The following DCC variants were observed in gnomAD, a reference collection of about 807,000 sequenced individuals.
DCC encodes the protein netrin receptor DCC.
DCC carries 58 observed loss-of-function variants against 172.5 expected under a neutral mutation model. That is an observed-to-expected ratio of 0.34 (90% CI 0.27 to 0.42). DCC has a LOEUF of 0.42. Among genes scored for constraint, DCC ranks in the 10% least tolerant of loss-of-function variants. DCC has a pLI of 1.00. For synonymous variants in DCC, 709 were observed against 644.5 expected (o/e 1.10, Z -1.52); for missense variants, 1,740 against 1,791.0 (o/e 0.97, Z 0.51).
rs34488915 is a variant in DCC, at chr18:53,390,081, A to G, written c.2456-1574A>G. On this transcript the variant is annotated intron_variant, in intron 16 of 28. Coordinates refer to ENST00000442544, the MANE Select transcript of DCC (RefSeq NM_005215.4). Reference sequence around the variant, plus strand: ...CAAAAATGTCTTCCACTGCTACACAAACCGATGAATGATTGGAATCCTTGT... The same window carrying G: ...CAAAAATGTCTTCCACTGCTACACAGACCGATGAATGATTGGAATCCTTGT... Among the ~76,000 whole-genome samples, 193 of 152,296 alleles carry G rather than the reference A, an allele frequency of 1.3e-3. 1 individual carries two copies. The highest frequency in any genetic ancestry group is 0.011 in the South Asian group (55 of 4,828).
intron 12 of DCC, among the ~76,000 whole-genome samples, chr18:53,246,640 A>G (rs2056368594): frequency 1.3e-5 from 2 of 152,254 alleles, no homozygotes; most frequent in Admixed American, 1.3e-4. Flanking sequence ...TTTATGCAGA[A>G]CTGCTATGAG....
At chr18:53,210,506 A>G (rs1568367295) in intron 11 of DCC, among the ~76,000 whole-genome samples, 1 of 152,162 alleles carries the variant, frequency 6.6e-6, no homozygotes, top group African/African-American at 2.4e-5. Flanking sequence ...ATGCTGTTAT[A>G]TTCACCTCTG....
At chr18:53,107,993 G>A (rs969494755) in intron 7 of DCC, among the ~76,000 whole-genome samples, 4 of 151,310 alleles carry the variant, frequency 2.6e-5, no homozygotes, top group Non-Finnish European at 5.9e-5. Context: ...GATAATCACT[G>A]GAAGAGCAAT....
intron 25 of DCC, among the ~76,000 whole-genome samples, chr18:53,482,527 TTCTC>T (rs1311389360): frequency 6.6e-6 from 1 of 152,134 alleles, no homozygotes; most frequent in East Asian, 1.9e-4. Flanking sequence ...TGTTTTATGT[TTCTC>T]TCTCCAAATT....
At chr18:52,493,634 A>G (rs1251637290) in intron 1 of DCC, among the ~76,000 whole-genome samples, 1 of 151,936 alleles carries the variant, frequency 6.6e-6, no homozygotes, top group African/African-American at 2.4e-5. Context: ...CAGTGCTCCC[A>G]TTTCATTTCA....
At chr18:52,863,447 G>C (rs944455145) in intron 2 of DCC, among the ~76,000 whole-genome samples, 2 of 151,626 alleles carry the variant, frequency 1.3e-5, no homozygotes. Context: ...TTTCTATATG[G>C]AACAGGACAT....
At chr18:53,040,823 G>A (rs1409976113) in intron 5 of DCC, among the ~76,000 whole-genome samples, 3 of 151,830 alleles carry the variant, frequency 2.0e-5, no homozygotes, top group African/African-American at 7.3e-5. Flanking sequence ...AACCCACCAG[G>A]GAGCTGCAAA....
intron 2 of DCC, among the ~76,000 whole-genome samples, chr18:52,888,609 C>CA (rs2039602802): frequency 6.6e-6 from 1 of 151,864 alleles, no homozygotes; most frequent in Non-Finnish European, 1.5e-5. Context: ...TCTATAAAGG[C>CA]AAAATACATA....
chr18:53,334,584 C>G (rs148927394), intron 14 of DCC, among the ~76,000 whole-genome samples: 9 of 152,130 alleles, frequency 5.9e-5, no homozygotes, highest in African/African-American at 2.2e-4. Flanking sequence ...TAACTGCCAA[C>G]CTCCCCAACC....
chr18:52,973,729 G>A (rs544679822), intron 5 of DCC, among the ~76,000 whole-genome samples: 10 of 152,182 alleles, frequency 6.6e-5, no homozygotes, highest in Non-Finnish European at 1.0e-4. Context: ...TTCCCAAGAG[G>A]CCTAGAGTAT....
At chr18:52,415,161 T>TCA (rs1568159375) in intron 1 of DCC, among the ~76,000 whole-genome samples, 1 of 152,212 alleles carries the variant, frequency 6.6e-6, no homozygotes, top group Non-Finnish European at 1.5e-5. Context: ...TCAGGTTGTT[T>TCA]ACCATTTCTG....
At chr18:52,386,392 C>A (rs1985800371) in intron 1 of DCC, among the ~76,000 whole-genome samples, 1 of 152,098 alleles carries the variant, frequency 6.6e-6, no homozygotes, top group Admixed American at 6.6e-5. Context: ...GATGAAATGT[C>A]ATTAGGGGAT....
chr18:52,367,817 T>C (rs375604723), intron 1 of DCC, among the ~76,000 whole-genome samples: 3 of 152,224 alleles, frequency 2.0e-5, no homozygotes, highest in East Asian at 3.8e-4. Flanking sequence ...TGGCTGTACA[T>C]AGGCAAGTCT....
intron 26 of DCC, among the ~76,000 whole-genome samples, chr18:53,489,892 T>C (rs1471729026): frequency 6.6e-6 from 1 of 151,970 alleles, no homozygotes; most frequent in Non-Finnish European, 1.5e-5. Context: ...AGCAAATGAG[T>C]TATCCCTAGG....
chr18:53,482,226 A>T (rs910334554), intron 25 of DCC, among the ~76,000 whole-genome samples: 2 of 152,308 alleles, frequency 1.3e-5, no homozygotes, highest in Non-Finnish European at 2.9e-5. Context: ...TTCAGAAATG[A>T]ATCATAGAAT....
intron 9 of DCC, among the ~76,000 whole-genome samples, chr18:53,196,131 T>C (rs1568359096): frequency 6.6e-6 from 1 of 152,206 alleles, no homozygotes; most frequent in Non-Finnish European, 1.5e-5. Flanking sequence ...CTGTCAGTAA[T>C]GTGTACATGT....
intron 1 of DCC, among the ~76,000 whole-genome samples, chr18:52,463,524 G>T (rs1282297888): frequency 1.3e-5 from 2 of 152,204 alleles, no homozygotes; most frequent in Non-Finnish European, 2.9e-5. Context: ...TCCTATGTCA[G>T]TGAAGGAAGT....
At chr18:53,477,393 T>C (rs1348295210) in intron 25 of DCC, among the ~76,000 whole-genome samples, 1 of 152,186 alleles carries the variant, frequency 6.6e-6, no homozygotes, top group Admixed American at 6.5e-5. Context: ...GTTTAAAAAT[T>C]TTGTATCTGT....
rs534292549 is a variant in DCC, at chr18:52,581,262, G to A, written c.92-170792G>A. ...AGTGAGTCTTGGTACCAGAAAACAT[G>A]GATTGGCATCACTGCTTCATAAAGG... is the stretch of plus-strand genomic sequence containing the variant. On this transcript the variant is annotated intron_variant, in intron 1 of 28. Coordinates refer to ENST00000442544, the MANE Select transcript of DCC (RefSeq NM_005215.4). Among the ~76,000 whole-genome samples the A allele has an allele frequency of 3.9e-4, 36 of 93,054 alleles. No individual in the cohort carries two copies. The South Asian group carries it at 7.8e-3, about 20-fold the overall frequency. 61.0% of individuals were successfully genotyped at this position (93,054 alleles called of 152,430 possible).
Sources: gnomAD v4.1 joint callset for allele counts (sites outside exome capture counted in the v4.1 genomes callset) on GRCh38, gnomAD v4.1.1 for gene constraint, MANE v1.5 for transcripts, NCBI Gene and HGNC (gene_info 2026-07-23, HGNC 2026-07-21) for gene names.